Variants in PABPC4L observed in about 807,000 individuals in gnomAD.
The protein encoded by PABPC4L is poly(A) binding protein cytoplasmic 4 like.
For synonymous variants in PABPC4L, 169 were observed against 164.1 expected (o/e 1.03, Z -0.23); for missense variants, 452 against 451.4 (o/e 1.00, Z -0.01).
chr4:134,137,354 C>T, the PABPC4L span, among the ~76,000 whole-genome samples: 8 of 151,840 alleles, frequency 5.3e-5, no homozygotes, highest in Admixed American at 1.3e-4. Context: ...TTCTCCTTTA[C>T]TCAAGGATCT....
the PABPC4L span, among the ~76,000 whole-genome samples, chr4:134,092,207 G>A: frequency 6.6e-6 from 1 of 151,770 alleles, no homozygotes; most frequent in African/African-American, 2.4e-5. Flanking sequence ...ACCCAATGTT[G>A]CTTTTTCCAA....
chr4:134,066,300 G>A, the PABPC4L span, among the ~76,000 whole-genome samples: 2 of 151,816 alleles, frequency 1.3e-5, no homozygotes, highest in Non-Finnish European at 2.9e-5. Flanking sequence ...TTTTCTTTTT[G>A]TGGCTATTGT....
chr4:134,071,914 A>G, the PABPC4L span, among the ~76,000 whole-genome samples: 1 of 152,128 alleles, frequency 6.6e-6, no homozygotes, highest in Non-Finnish European at 1.5e-5. Context: ...AAAAGTGGAA[A>G]GAGGGGTTCC....
chr4:134,168,074 C>A, the PABPC4L span, among the ~76,000 whole-genome samples: 1 of 151,718 alleles, frequency 6.6e-6, no homozygotes, highest in Non-Finnish European at 1.5e-5. Context: ...AAAATAATTA[C>A]CTTTTCTGAC....
chr4:134,019,515 A>G, the PABPC4L span, among the ~76,000 whole-genome samples: 1 of 152,192 alleles, frequency 6.6e-6, no homozygotes, highest in Non-Finnish European at 1.5e-5. Context: ...AACATAGTAG[A>G]GCACTACCAG....
the PABPC4L span, among the ~76,000 whole-genome samples, chr4:134,055,258 C>T: frequency 6.6e-6 from 1 of 151,792 alleles, no homozygotes; most frequent in Non-Finnish European, 1.5e-5. Flanking sequence ...GAATAAAGTG[C>T]ACTATATAGG....
At chr4:134,025,160 G>A in the PABPC4L span, among the ~76,000 whole-genome samples, 236 of 150,984 alleles carry the variant, frequency 1.6e-3, no homozygotes, top group African/African-American at 5.0e-3. Flanking sequence ...GGGAAACCCC[G>A]TCTCTACTAA....
At chr4:134,094,004 A>C in the PABPC4L span, among the ~76,000 whole-genome samples, 3 of 151,912 alleles carry the variant, frequency 2.0e-5, no homozygotes, top group Admixed American at 6.6e-5. Context: ...CTTTCCTTTC[A>C]ACTTTCAATC....
the PABPC4L span, among the ~76,000 whole-genome samples, chr4:134,090,326 A>G: frequency 1.1e-4 from 16 of 152,262 alleles, no homozygotes; most frequent in South Asian, 3.3e-3. Context: ...CAAACATGTT[A>G]TATACTAATA....
At chr4:134,143,740 T>G in the PABPC4L span, among the ~76,000 whole-genome samples, 2 of 151,378 alleles carry the variant, frequency 1.3e-5, no homozygotes, top group African/African-American at 4.8e-5. Context: ...TAAGAAAAAC[T>G]TCAAACGTTT....
the PABPC4L span, among the ~76,000 whole-genome samples, chr4:134,180,284 T>A: frequency 6.6e-6 from 1 of 152,042 alleles, no homozygotes; most frequent in East Asian, 1.9e-4. Flanking sequence ...GGCTTTTGAA[T>A]GACTTTTGGG....
At chr4:134,128,595 C>CA in the PABPC4L span, among the ~76,000 whole-genome samples, 4 of 151,724 alleles carry the variant, frequency 2.6e-5, no homozygotes, top group African/African-American at 7.3e-5. Flanking sequence ...TTTTTTCAGA[C>CA]AAAAAAATGC....
At chr4:133,959,906 T>C in the PABPC4L span, among the ~76,000 whole-genome samples, 1 of 152,246 alleles carries the variant, frequency 6.6e-6, no homozygotes, top group African/African-American at 2.4e-5. Flanking sequence ...TTGGCTGACG[T>C]ATTTAAAATG....
At chr4:134,115,200 TATTTATTC>T in the PABPC4L span, among the ~76,000 whole-genome samples, 1 of 151,916 alleles carries the variant, frequency 6.6e-6, no homozygotes, top group African/African-American at 2.4e-5. Context: ...AATCAAAATG[TATTTATTC>T]ATTGTTTACT....
chr4:133,979,792 T>A, the PABPC4L span, among the ~76,000 whole-genome samples: 3 of 152,284 alleles, frequency 2.0e-5, no homozygotes, highest in East Asian at 5.8e-4. Flanking sequence ...TATTTTTACC[T>A]TATTAAATAT....
the PABPC4L span, among the ~76,000 whole-genome samples, chr4:133,959,557 C>A: frequency 2.0e-5 from 3 of 152,074 alleles, no homozygotes; most frequent in African/African-American, 4.8e-5. Context: ...TGGGCTGAGA[C>A]TAGTTCAAAA....
At chr4:134,112,333 C>T in the PABPC4L span, among the ~76,000 whole-genome samples, 1 of 151,860 alleles carries the variant, frequency 6.6e-6, no homozygotes, top group Non-Finnish European at 1.5e-5. Context: ...AATAGCTTCA[C>T]CTTCTTTGTA....
At chr4:134,058,023 T>A in the PABPC4L span, among the ~76,000 whole-genome samples, 5 of 151,992 alleles carry the variant, frequency 3.3e-5, no homozygotes, top group African/African-American at 1.2e-4. Flanking sequence ...CATTTTTAAA[T>A]ATGAGTTGAG....
the PABPC4L span, among the ~76,000 whole-genome samples, chr4:134,092,440 C>G: frequency 4.6e-5 from 7 of 151,978 alleles, no homozygotes; most frequent in African/African-American, 1.7e-4. Flanking sequence ...TCAATAAAAC[C>G]TCTTCATTCA....
Sources: gnomAD v4.1 joint callset for allele counts (sites outside exome capture counted in the v4.1 genomes callset) on GRCh38, gnomAD v4.1.1 for gene constraint, MANE v1.5 for transcripts, NCBI Gene and HGNC (gene_info 2026-07-23, HGNC 2026-07-21) for gene names.